The following NUAK2 variants were observed in gnomAD, a reference collection of about 807,000 sequenced individuals.
NUAK2 encodes NUAK family kinase 2.
NUAK2 carries 20 observed loss-of-function variants against 29.8 expected under a neutral mutation model. That is an observed-to-expected ratio of 0.67 (90% CI 0.47 to 0.98). The LOEUF (loss-of-function observed/expected upper bound fraction) is 0.98. Among genes scored for constraint, NUAK2 ranks in the 50% least tolerant of loss-of-function variants. The probability of loss-of-function intolerance (pLI) is 0.00; values close to 1 mark genes in which losing one functional copy is unlikely to be tolerated. For missense variants in NUAK2, 719 were observed against 834.5 expected (o/e 0.86, Z 1.71); for synonymous variants, 331 against 342.6 (o/e 0.97, Z 0.37).
Position 205,302,257 on chromosome 1 carries a change from C to T in NUAK2, c.*1193G>A, listed in dbSNP as rs1271638189. 2 of 152,598 alleles carry T rather than the reference C, an allele frequency of 1.3e-5. No individual in the cohort carries two copies. Among genetic ancestry groups the T allele is most frequent in the African/African-American group, 4.8e-5 (2 of 41,426 alleles). 9.5% of individuals were successfully genotyped at this position (152,598 alleles called of 1,614,324 possible). ...GTGGATTTTCCCAGAACATAGCATT[C>T]ACATTATTGAAAACAGCAAGATTCA... is the stretch of plus-strand genomic sequence containing the variant. On this transcript the variant is annotated 3_prime_UTR_variant, in exon 7 of 7. Transcript: ENST00000367157.
At position 205,321,550 on chromosome 1, in the gene NUAK2, GC is replaced by G; in HGVS notation, c.78del (p.Leu27Ter). 6.2e-7 allele frequency: 1 copy of G among 1,613,768 alleles called. No individual in the cohort carries two copies. The highest frequency in any genetic ancestry group is 1.1e-5 in the South Asian group (1 of 91,084). On this transcript the variant is annotated frameshift_variant, in exon 1 of 7. Coordinates refer to ENST00000367157, the MANE Select transcript of NUAK2 (RefSeq NM_030952.3). LOFTEE classifies it high-confidence loss of function. The stretch of plus-strand genomic sequence containing the variant: ...ATTAGGGGCTTGGGCGACTTGATCA[GC>G]CCTTCCGCCAGCGGCCGGGCTAGCT... ...AAELARPLAE[G>X]LIKSPKPLMK... is the part of the protein sequence containing the mutation.
At position 205,303,159 on chromosome 1, in the gene NUAK2, GCCC is replaced by G. The variant is rs376692630; in HGVS notation, c.*288_*290del. 2.9e-5 allele frequency: 7 copies of G among 241,602 alleles called. No homozygotes were observed. Among genetic ancestry groups the G allele is most frequent in the Non-Finnish European group, 4.8e-5 (6 of 125,174 alleles). 15.0% of individuals were successfully genotyped at this position (241,602 alleles called of 1,614,324 possible). ...AGAGTTCTCTTTCCAGGTCTCTGTG[GCCC>G]CCCCATGTACACAAGAAACAGGCAA... On this transcript the variant is annotated 3_prime_UTR_variant, in exon 7 of 7. Transcript: ENST00000367157.
intron 1 of NUAK2, among the ~76,000 whole-genome samples, chr1:205,319,387 T>C (rs1662374145): frequency 6.6e-6 from 1 of 152,212 alleles, no homozygotes; most frequent in African/African-American, 2.4e-5. Flanking sequence ...GTTTATCTCA[T>C]TCTGGAATCA....
At chr1:205,311,596 T>TA in intron 2 of NUAK2, 109 bp downstream of exon 2, 1 of 1,355,464 alleles carries the variant, frequency 7.4e-7, no homozygotes. Context: ...AGAGCCTATA[T>TA]TTTTTTTACT....
intron 5 of NUAK2, chr1:205,305,555 G>C: frequency 1.0e-6 from 1 of 978,996 alleles, no homozygotes. Context: ...TCCGGGCTGG[G>C]GAAGGGGTGG....
In NUAK2 at chr1:205,306,266, C is replaced by T. The variant is rs968392293; in HGVS notation, c.612G>A (p.Lys204=). Reference sequence around the variant, plus strand: ...GGCTCCCACAGAATGTCTGCAGGAACTTGCCTTGATGGTAGAGGTTGGAGA... The same window carrying T: ...GGCTCCCACAGAATGTCTGCAGGAATTTGCCTTGATGGTAGAGGTTGGAGA... The part of the protein sequence containing the change: ...FGLSNLYHQG[K]FLQTFCGSPL... Residue 204 remains lysine, a synonymous_variant, in exon 5 of 7, where the codon AAG becomes AAA. Transcript: ENST00000367157. The T allele has an allele frequency of 9.3e-6, 15 of 1,613,838 alleles. No individual in the cohort carries two copies. Among genetic ancestry groups the T allele is most frequent in the Non-Finnish European group, 1.3e-5 (15 of 1,179,932 alleles).
rs886445454 is a variant in NUAK2 at position 205,308,851 on chromosome 1, A to G, written c.353-119T>C. 1.2e-5 allele frequency: 14 copies of G among 1,124,422 alleles called. No individual in the cohort carries two copies. The African/African-American group carries it at 2.1e-4, about 17-fold the overall frequency. The allele number at this position is 1,124,422 out of a possible 1,614,324, so 69.7% of individuals were successfully genotyped here. A position where few individuals can be genotyped will look rare whatever the true frequency, so the allele number is the denominator to read the frequency against. On this transcript the variant is annotated intron_variant, in intron 2 of 6. Coordinates refer to ENST00000367157, the MANE Select transcript of NUAK2 (RefSeq NM_030952.3). This position sits in a 1 kb window ranked among gnomAD's most constrained non-coding sequence, Gnocchi z 4.1. ...CCAGACAGGACCCCCCTCCAGGAAT[A>G]TCTGCTAATGGGGCTATACGGTGGC...
chr1:205,317,304 C>A (rs1662342080), intron 1 of NUAK2, among the ~76,000 whole-genome samples: 1 of 152,246 alleles, frequency 6.6e-6, no homozygotes, highest in African/African-American at 2.4e-5. Flanking sequence ...CTGGGCATCT[C>A]TGGTCATAGT....
In NUAK2 at chr1:205,302,259, C is replaced by T. The variant is rs1662085127; in HGVS notation, c.*1191G>A. On this transcript the variant is annotated 3_prime_UTR_variant, in exon 7 of 7. Transcript: ENST00000367157. ...GGATTTTCCCAGAACATAGCATTCA[C>T]ATTATTGAAAACAGCAAGATTCACT... The T allele has an allele frequency of 6.5e-6, 1 of 152,730 alleles. No homozygotes were observed. The highest frequency in any genetic ancestry group is 1.5e-5 in the Non-Finnish European group (1 of 68,042). 9.5% of individuals were successfully genotyped at this position (152,730 alleles called of 1,614,324 possible).
chr1:205,313,851 C>T (rs4950989), intron 1 of NUAK2, among the ~76,000 whole-genome samples: 41,712 of 152,038 alleles, frequency 0.27, 6,354 homozygotes, highest in East Asian at 0.51. Context: ...TGCCCAAGGA[C>T]GCAAATGGTA....
intron 1 of NUAK2, among the ~76,000 whole-genome samples, chr1:205,320,879 G>C (rs1289079972): frequency 1.3e-4 from 19 of 145,992 alleles, no homozygotes. Flanking sequence ...AGCTGGAAAG[G>C]ACCTAAATGT....
Position 205,311,805 on chromosome 1 carries a change from C to T in NUAK2, c.252G>A (p.Arg84=). ...SGRLVAIKSI[R]KDKIKDEQDL... is the part of the protein sequence containing the mutation. ...CTTGCTCATCTTTGATTTTGTCCTT[C>T]CGGATTGACTTGATGGCCACCTGGG... is the stretch of plus-strand genomic sequence containing the variant. Residue 84 remains arginine, a synonymous_variant, in exon 2 of 7, where the codon CGG becomes CGA. Coordinates refer to ENST00000367157, the MANE Select transcript of NUAK2 (RefSeq NM_030952.3). 1 of 1,614,024 alleles carries T rather than the reference C, an allele frequency of 6.2e-7. No individual in the cohort carries two copies. Among genetic ancestry groups the T allele is most frequent in the South Asian group, 1.1e-5 (1 of 91,062 alleles).
At position 205,305,161 on chromosome 1, in the gene NUAK2, C is replaced by T. The variant is rs1662161615; in HGVS notation, c.823+38G>A. 5 of 1,605,530 alleles carry T rather than the reference C, an allele frequency of 3.1e-6. No individual in the cohort carries two copies. In the East Asian group the frequency reaches 1.1e-4, roughly 36 times the overall value. On this transcript the variant is annotated intron_variant, in intron 6 of 6. Transcript: ENST00000367157. ...TGCCTTAGGAATGAGTGAAGGACAC[C>T]CCAGGCCTGGATAAGAACGCCCACA...
rs925368027 is a variant in NUAK2, at chr1:205,321,592, T to G, written c.37A>C (p.Thr13Pro). ...CGGGCTAGCTCTGCGGCCGAGGGAG[T>G]GGGGCCGGAGCGCCGCGCGAAAACC... Reference protein sequence around the residue: ...SLVFARRSGPTPSAAELARPL... With the variant: ...SLVFARRSGPPPSAAELARPL... Residue 13 changes from threonine (T) to proline (P), a missense_variant, in exon 1 of 7, where the codon ACT becomes CCT. Thr to Pro is a conservative substitution (Grantham distance 38). Around this residue, in one of 3 missense-constraint regions of NUAK2, gnomAD observed 283 missense variants for 345.6 expected, o/e 0.82. Coordinates refer to ENST00000367157, the MANE Select transcript of NUAK2 (RefSeq NM_030952.3). 1 of 1,611,556 alleles carries G rather than the reference T, an allele frequency of 6.2e-7. No homozygotes were observed. Among genetic ancestry groups the G allele is most frequent in the Non-Finnish European group, 8.5e-7 (1 of 1,179,594 alleles).
At chr1:205,319,924 T>TACACACACACACAC (rs377521023) in intron 1 of NUAK2, among the ~76,000 whole-genome samples, 1 of 78,466 alleles carries the variant, frequency 1.3e-5, no homozygotes, top group African/African-American at 6.3e-5. Flanking sequence ...GGGCAAACCA[T>TACACACACACACAC]ACACACACAC....
At chr1:205,314,625 T>C (rs973785604) in intron 1 of NUAK2, among the ~76,000 whole-genome samples, 1 of 152,180 alleles carries the variant, frequency 6.6e-6, no homozygotes, top group African/African-American at 2.4e-5. Flanking sequence ...ATGGACAAGT[T>C]ATTTTCTCTC....
In NUAK2 at chr1:205,311,750, T is replaced by A. The variant is rs1408861511; in HGVS notation, c.307A>T (p.Ile103Phe). The A allele has an allele frequency of 5.0e-6, 8 of 1,614,200 alleles. No homozygotes were observed. The highest frequency in any genetic ancestry group is 6.8e-6 in the Non-Finnish European group (8 of 1,180,038). The change falls in exon 2 of 7, where the codon ATC becomes TTC. Residue 103 changes from isoleucine to phenylalanine, a missense_variant. Around this residue, in one of 3 missense-constraint regions of NUAK2, gnomAD observed 283 missense variants for 345.6 expected, o/e 0.82. Transcript: ENST00000367157. Reference sequence around the variant, plus strand: ...TGAGGGTGGTTGAGTGATGACATGATCTCAATCTCCCTCCGTATGTGCATC... The same window carrying A: ...TGAGGGTGGTTGAGTGATGACATGAACTCAATCTCCCTCCGTATGTGCATC... ...DLMHIRREIE[I>F]MSSLNHPHII... is the part of the protein sequence containing the mutation.
At chr1:205,318,686 C>A (rs1662362618) in intron 1 of NUAK2, among the ~76,000 whole-genome samples, 1 of 152,234 alleles carries the variant, frequency 6.6e-6, no homozygotes, top group Non-Finnish European at 1.5e-5. Context: ...ATTTCAGAGA[C>A]CCCAGCATGT....
At chr1:205,307,773 G>C (rs1662202713) in intron 4 of NUAK2, among the ~76,000 whole-genome samples, 3 of 152,232 alleles carry the variant, frequency 2.0e-5, no homozygotes, top group African/African-American at 7.2e-5. Context: ...ATGTGTGTGT[G>C]TATGCAAGTG....
Sources: gnomAD v4.1 joint callset for allele counts (sites outside exome capture counted in the v4.1 genomes callset) on GRCh38, gnomAD v4.1.1 for gene constraint, gnomAD v4.1.1 regional missense constraint, Gnocchi (gnomAD v3.1) non-coding constraint, MANE v1.5 for transcripts, NCBI Gene and HGNC (gene_info 2026-07-23, HGNC 2026-07-21) for gene names.